The following SLC25A21 variants were observed in gnomAD, a reference collection of about 807,000 sequenced individuals.
The protein encoded by SLC25A21 is mitochondrial 2-oxodicarboxylate carrier.
Under a neutral mutation model 43.8 loss-of-function variants are expected in SLC25A21, and 47 were observed. That is an observed-to-expected ratio of 1.07 (90% CI 0.85 to 1.37). SLC25A21 has a LOEUF of 1.37. Ranked by LOEUF, SLC25A21 falls within the 40% of genes most tolerant of loss-of-function variation. The probability of loss-of-function intolerance (pLI) is 0.00; values close to 1 mark genes in which losing one functional copy is unlikely to be tolerated. For missense variants in SLC25A21, 352 were observed against 350.2 expected (o/e 1.00, Z -0.04); for synonymous variants, 131 against 121.3 (o/e 1.08, Z -0.52).
intron 2 of SLC25A21, among the ~76,000 whole-genome samples, chr14:36,843,735 T>A (rs1391732912): frequency 6.6e-6 from 1 of 152,216 alleles, no homozygotes; most frequent in African/African-American, 2.4e-5. Flanking sequence ...TGAAATGCTA[T>A]CATTTCATTC....
intron 1 of SLC25A21, among the ~76,000 whole-genome samples, chr14:36,986,793 C>T (rs1960157171): frequency 1.3e-5 from 2 of 151,914 alleles, no homozygotes; most frequent in South Asian, 4.1e-4. Context: ...TTGTTTTTTG[C>T]CCTTAACGAC....
chr14:36,705,127 G>A (rs1420902961), intron 7 of SLC25A21, among the ~76,000 whole-genome samples: 1 of 151,736 alleles, frequency 6.6e-6, no homozygotes, highest in East Asian at 1.9e-4. Flanking sequence ...TGCAAGCTCC[G>A]CCTCCCGGGT....
intron 2 of SLC25A21, among the ~76,000 whole-genome samples, chr14:36,827,725 G>A (rs189095580): frequency 6.6e-6 from 1 of 152,262 alleles, no homozygotes; most frequent in Admixed American, 6.5e-5. Flanking sequence ...TAACTATTAA[G>A]AGAGTTAAAA....
chr14:36,930,606 T>C (rs1327090566), intron 1 of SLC25A21, among the ~76,000 whole-genome samples: 1 of 152,152 alleles, frequency 6.6e-6, no homozygotes, highest in Admixed American at 6.6e-5. Flanking sequence ...CAGCCCCTGC[T>C]GTATCATCTA....
chr14:36,956,306 T>C (rs1451533742), intron 1 of SLC25A21, among the ~76,000 whole-genome samples: 1 of 152,232 alleles, frequency 6.6e-6, no homozygotes, highest in Non-Finnish European at 1.5e-5. Context: ...AATAGAACTT[T>C]ATTTATGTGA....
At chr14:37,097,545 C>T (rs1392419670) in intron 1 of SLC25A21, among the ~76,000 whole-genome samples, 1 of 152,044 alleles carries the variant, frequency 6.6e-6, no homozygotes, top group Non-Finnish European at 1.5e-5. Context: ...TATTTAGGGG[C>T]AAGGCCTACA....
chr14:36,723,748 G>C (rs1398388709), intron 6 of SLC25A21, among the ~76,000 whole-genome samples: 1 of 152,194 alleles, frequency 6.6e-6, no homozygotes, highest in African/African-American at 2.4e-5. Flanking sequence ...GAGAGAAAAA[G>C]AACATTAGCA....
At chr14:37,101,616 A>G (rs1962818402) in intron 1 of SLC25A21, among the ~76,000 whole-genome samples, 1 of 152,258 alleles carries the variant, frequency 6.6e-6, no homozygotes, top group Admixed American at 6.5e-5. Flanking sequence ...TAATGGTATA[A>G]CAAACTTTAT....
At chr14:37,069,990 T>C (rs1339889583) in intron 1 of SLC25A21, among the ~76,000 whole-genome samples, 3 of 152,192 alleles carry the variant, frequency 2.0e-5, no homozygotes, top group Admixed American at 6.5e-5. Flanking sequence ...CAGATGTTCC[T>C]AGTGCACAAG....
chr14:37,004,639 C>T (rs1252944593), intron 1 of SLC25A21, among the ~76,000 whole-genome samples: 2 of 152,202 alleles, frequency 1.3e-5, no homozygotes, highest in Non-Finnish European at 2.9e-5. Context: ...CTGACCACCT[C>T]CTGCATCAGG....
chr14:36,770,639 A>G (rs1165673301), intron 3 of SLC25A21, among the ~76,000 whole-genome samples: 1 of 152,108 alleles, frequency 6.6e-6, no homozygotes, highest in East Asian at 1.9e-4. Flanking sequence ...ATTTCTGGTG[A>G]TTTCTATAAA....
At chr14:36,949,413 G>C (rs1303101452) in intron 1 of SLC25A21, among the ~76,000 whole-genome samples, 1 of 152,190 alleles carries the variant, frequency 6.6e-6, no homozygotes, top group African/African-American at 2.4e-5. Context: ...TATTTAGAAA[G>C]TGAATACATT....
chr14:36,901,113 A>G (rs554525668), intron 1 of SLC25A21, among the ~76,000 whole-genome samples: 9 of 152,312 alleles, frequency 5.9e-5, no homozygotes, highest in African/African-American at 2.2e-4. Context: ...AGAATTTAGG[A>G]GTAAGGACCA....
chr14:36,825,960 T>C (rs1367389165), intron 2 of SLC25A21, among the ~76,000 whole-genome samples: 2 of 152,142 alleles, frequency 1.3e-5, no homozygotes, highest in Non-Finnish European at 2.9e-5. Flanking sequence ...TTTCAGTCAC[T>C]CCCAAGTAAT....
intron 2 of SLC25A21, among the ~76,000 whole-genome samples, chr14:36,819,759 T>C (rs1000082492): frequency 6.6e-6 from 1 of 152,106 alleles, no homozygotes; most frequent in African/African-American, 2.4e-5. Flanking sequence ...TATATGCATA[T>C]ATAGTATATA....
chr14:36,807,663 C>A (rs1888091339), intron 3 of SLC25A21, among the ~76,000 whole-genome samples: 1 of 152,146 alleles, frequency 6.6e-6, no homozygotes, highest in Non-Finnish European at 1.5e-5. Flanking sequence ...ACTAGGTAAA[C>A]CACTTTTTGA....
At chr14:36,746,784 A>G (rs1486035790) in intron 3 of SLC25A21, among the ~76,000 whole-genome samples, 3 of 152,030 alleles carry the variant, frequency 2.0e-5, no homozygotes, top group Non-Finnish European at 4.4e-5. Context: ...TCATTAATAT[A>G]CTCTGTGCCA....
intron 1 of SLC25A21, among the ~76,000 whole-genome samples, chr14:36,911,786 C>A (rs1004457218): frequency 6.6e-6 from 1 of 152,054 alleles, no homozygotes; most frequent in Non-Finnish European, 1.5e-5. Context: ...CCAGGCAACC[C>A]ACAGAATTGT....
chr14:36,679,276 C>T lies in SLC25A21; in HGVS notation c.*1382G>A, dbSNP rs1882071887. 1 of 982,064 alleles carries T rather than the reference C, an allele frequency of 1.0e-6. No homozygotes were observed. Among genetic ancestry groups the T allele is most frequent in the Admixed American group, 6.2e-5 (1 of 16,250 alleles). 60.8% of individuals were successfully genotyped at this position (982,064 alleles called of 1,614,324 possible). A position where few individuals can be genotyped will look rare whatever the true frequency, so the allele number is the denominator to read the frequency against. Reference sequence around the variant, plus strand: ...AAAACACGTTGGAAAGGATGTACAACAGAAGGCTATGTATGTATATACAGT... The same window carrying T: ...AAAACACGTTGGAAAGGATGTACAATAGAAGGCTATGTATGTATATACAGT... On this transcript the variant is annotated 3_prime_UTR_variant, in exon 10 of 10. Coordinates refer to ENST00000331299, the MANE Select transcript of SLC25A21 (RefSeq NM_030631.4).
Sources: gnomAD v4.1 joint callset for allele counts (sites outside exome capture counted in the v4.1 genomes callset) on GRCh38, gnomAD v4.1.1 for gene constraint, MANE v1.5 for transcripts, NCBI Gene and HGNC (gene_info 2026-07-23, HGNC 2026-07-21) for gene names.